Variants in EDAR observed in about 807,000 individuals in gnomAD.
EDAR encodes the protein tumor necrosis factor receptor superfamily member EDAR.
Under a neutral mutation model 51.3 loss-of-function variants are expected in EDAR, and 38 were observed. The observed-to-expected ratio is 0.74, with a 90% CI of 0.57 to 0.97. The LOEUF is 0.97. Among genes scored for constraint, EDAR ranks in the 50% least tolerant of loss-of-function variants. EDAR has a pLI of 0.00. For missense variants in EDAR, 528 were observed against 595.0 expected (o/e 0.89, Z 1.17); for synonymous variants, 227 against 242.1 (o/e 0.94, Z 0.58).
chr2:108,930,911 C>T (rs1031670425), intron 2 of EDAR, 53 bp downstream of exon 2: 2 of 1,585,588 alleles, frequency 1.3e-6, no homozygotes, highest in Non-Finnish European at 1.7e-6. Context: ...AGAAACAGTC[C>T]AACCATCATG....
At chr2:108,930,336 C>T (rs1697343223) in intron 2 of EDAR, 94 bp from the exon 3 acceptor site, 3 of 1,505,640 alleles carry the variant, frequency 2.0e-6, no homozygotes, top group African/African-American at 2.8e-5. Context: ...AAGGGGGTGC[C>T]CTGCGGTGGG....
intron 1 of EDAR, among the ~76,000 whole-genome samples, chr2:108,973,187 C>T (rs763445392): frequency 2.0e-5 from 3 of 152,172 alleles, no homozygotes; most frequent in Non-Finnish European, 2.9e-5. Flanking sequence ...GGGGTTTCAC[C>T]ATGTTGGCCA....
chr2:108,952,419 A>G (rs1004833974), intron 1 of EDAR, among the ~76,000 whole-genome samples: 4 of 152,248 alleles, frequency 2.6e-5, no homozygotes, highest in African/African-American at 9.6e-5. Context: ...AATTTTTAAA[A>G]TACTCTATTA....
rs76244665 is a variant in EDAR, at chr2:108,908,233, A to G, written c.804-214T>C. On this transcript the variant is annotated intron_variant, in intron 9 of 11. Transcript: ENST00000258443. Reference sequence around the variant, plus strand: ...CTTCCTGCTTCTTTCCAAACAAACAAGTCCGTGGTGGGTGACCTGCAGGCG... The same window carrying G: ...CTTCCTGCTTCTTTCCAAACAAACAGGTCCGTGGTGGGTGACCTGCAGGCG... Among the ~76,000 whole-genome samples, 3,350 of 152,096 alleles carry G rather than the reference A, an allele frequency of 0.022. 113 individuals carry two copies. Among genetic ancestry groups the G allele is most frequent in the African/African-American group, 0.077 (3,187 of 41,488 alleles).
intron 1 of EDAR, among the ~76,000 whole-genome samples, chr2:108,967,712 C>T (rs1698171685): frequency 6.6e-6 from 1 of 152,116 alleles, no homozygotes; most frequent in African/African-American, 2.4e-5. Flanking sequence ...TTCCCCTTAT[C>T]CCTCAAAGCT....
chr2:108,924,217 G>C lies in EDAR; in HGVS notation c.357-764C>G, dbSNP rs13027041. On this transcript the variant is annotated intron_variant, in intron 4 of 11. Coordinates refer to ENST00000258443, the MANE Select transcript of EDAR (RefSeq NM_022336.4). ...TGTCTTTCAGCTCCCCGATGTCACA[G>C]TGCCAGCCCCGTGGCTATATGACTG... is the stretch of plus-strand genomic sequence containing the variant. 8.1e-3 allele frequency among the ~76,000 whole-genome samples: 1,232 copies of C among 152,344 alleles called. 11 individuals are homozygous for C. The highest frequency in any genetic ancestry group is 0.013 in the South Asian group (63 of 4,824).
chr2:108,906,223 C>T (rs1696800996), intron 11 of EDAR, 85 bp downstream of exon 11: 1 of 1,465,200 alleles, frequency 6.8e-7, no homozygotes, highest in African/African-American at 1.4e-5. Flanking sequence ...CTCAGTTCCC[C>T]TCACAGGAGC....
intron 10 of EDAR, among the ~76,000 whole-genome samples, chr2:108,907,060 A>G (rs901843586): frequency 5.3e-5 from 8 of 152,338 alleles, no homozygotes; most frequent in African/African-American, 1.4e-4. Context: ...CAGGGAGCCC[A>G]AGAGGGCTCT....
chr2:108,925,744 A>G (rs1473426797), intron 4 of EDAR, among the ~76,000 whole-genome samples: 1 of 152,044 alleles, frequency 6.6e-6, no homozygotes, highest in Non-Finnish European at 1.5e-5. Flanking sequence ...CAGCCTCCCA[A>G]GTAGCTGGGA....
intron 1 of EDAR, among the ~76,000 whole-genome samples, chr2:108,987,053 A>G (rs895266138): frequency 4.6e-5 from 7 of 152,250 alleles, no homozygotes; most frequent in Admixed American, 4.6e-4. Flanking sequence ...GGCTAGGAGG[A>G]GGGTGAGGGG....
At chr2:108,956,237 T>G (rs977104325) in intron 1 of EDAR, among the ~76,000 whole-genome samples, 4 of 152,190 alleles carry the variant, frequency 2.6e-5, no homozygotes, top group Non-Finnish European at 5.9e-5. Context: ...TTCACTGTCA[T>G]AAATACAGTT....
intron 11 of EDAR, among the ~76,000 whole-genome samples, chr2:108,902,026 T>A (rs1038539312): frequency 2.0e-5 from 3 of 151,156 alleles, no homozygotes; most frequent in African/African-American, 7.3e-5. Flanking sequence ...GACCACAAGG[T>A]CAGGAGTTCA....
chr2:108,933,253 G>A (rs559674650), intron 1 of EDAR, among the ~76,000 whole-genome samples: 42 of 152,290 alleles, frequency 2.8e-4, no homozygotes, highest in Admixed American at 4.6e-4. Context: ...AACTGAAATC[G>A]GGTGGGGGTG....
At chr2:108,972,501 G>A (rs1698254093) in intron 1 of EDAR, among the ~76,000 whole-genome samples, 1 of 152,238 alleles carries the variant, frequency 6.6e-6, no homozygotes. Flanking sequence ...GCCGGGGCAG[G>A]GCAAGGTCAG....
chr2:108,941,928 A>C (rs1162766377), intron 1 of EDAR, among the ~76,000 whole-genome samples: 2 of 152,216 alleles, frequency 1.3e-5, no homozygotes, highest in Non-Finnish European at 2.9e-5. Context: ...CAGCTGACAA[A>C]GCTCTGCTGC....
intron 1 of EDAR, among the ~76,000 whole-genome samples, chr2:108,986,384 G>A (rs548799270): frequency 1.6e-4 from 24 of 152,272 alleles, no homozygotes; most frequent in Non-Finnish European, 3.1e-4. Flanking sequence ...ATACAGGAGG[G>A]GGAGTGTTTG....
intron 1 of EDAR, among the ~76,000 whole-genome samples, chr2:108,970,001 C>T (rs1698208605): frequency 6.6e-6 from 1 of 152,188 alleles, no homozygotes; most frequent in African/African-American, 2.4e-5. Flanking sequence ...GTCTAGCCAG[C>T]CCAGCACAGG....
intron 1 of EDAR, among the ~76,000 whole-genome samples, chr2:108,979,159 T>C (rs1698378573): frequency 6.6e-6 from 1 of 152,172 alleles, no homozygotes; most frequent in Non-Finnish European, 1.5e-5. Context: ...ACTGTGTTTC[T>C]CCATCCACTG....
chr2:108,976,134 TTCCAGGATCCCA>T (rs1174780879), intron 1 of EDAR, among the ~76,000 whole-genome samples: 1 of 152,204 alleles, frequency 6.6e-6, no homozygotes, highest in Non-Finnish European at 1.5e-5. Flanking sequence ...TCTTTTTCTG[TTCCAGGATCCCA>T]TCCAGGATCC....
Sources: gnomAD v4.1 joint callset for allele counts (sites outside exome capture counted in the v4.1 genomes callset) on GRCh38, gnomAD v4.1.1 for gene constraint, MANE v1.5 for transcripts, NCBI Gene and HGNC (gene_info 2026-07-23, HGNC 2026-07-21) for gene names.